Variants in TXNRD1 observed in about 807,000 individuals in gnomAD.
TXNRD1 encodes the protein thioredoxin reductase 1.
In TXNRD1, 57 loss-of-function variants were observed where a neutral mutation model predicts 80.3. The ratio of observed to expected loss-of-function variants is 0.71; its 90% CI spans 0.57 to 0.89. TXNRD1 has a LOEUF of 0.89. TXNRD1 is among the 40% of genes least tolerant of loss of function. TXNRD1 has a pLI of 0.00. For synonymous variants in TXNRD1, 291 were observed against 285.2 expected (o/e 1.02, Z -0.20); for missense variants, 730 against 803.0 (o/e 0.91, Z 1.10).
At chr12:104,311,194 C>G in intron 4 of TXNRD1, 96 bp from the exon 5 acceptor site, 1 of 1,358,542 alleles carries the variant, frequency 7.4e-7, no homozygotes, top group Non-Finnish European at 9.8e-7. Flanking sequence ...TTGAAAATTC[C>G]TTTTGTTTTT....
intron 1 of TXNRD1, among the ~76,000 whole-genome samples, chr12:104,233,897 G>A (rs2032678441): frequency 1.3e-5 from 2 of 152,162 alleles, no homozygotes; most frequent in Admixed American, 6.6e-5. Flanking sequence ...ACAAGGATCA[G>A]CAATATTTCA....
intron 4 of TXNRD1, among the ~76,000 whole-genome samples, chr12:104,303,321 CCTG>C (rs1460020811): frequency 6.6e-6 from 1 of 152,172 alleles, no homozygotes; most frequent in Non-Finnish European, 1.5e-5. Flanking sequence ...GAGAGTTTAG[CCTG>C]CTTAATGGAG....
chr12:104,265,954 TTA>T, intron 3 of TXNRD1: 1 of 478,956 alleles, frequency 2.1e-6, no homozygotes, highest in South Asian at 3.2e-5. Context: ...ACACAAAATC[TTA>T]AAAAAAAAAA....
chr12:104,324,247 G>A (rs1038824441), intron 10 of TXNRD1, among the ~76,000 whole-genome samples: 3 of 152,130 alleles, frequency 2.0e-5, no homozygotes, highest in African/African-American at 7.2e-5. Flanking sequence ...TATGTTCAGA[G>A]AGGCTCATTT....
intron 3 of TXNRD1, among the ~76,000 whole-genome samples, chr12:104,281,433 G>C (rs2033876303): frequency 8.7e-6 from 1 of 114,514 alleles, no homozygotes; most frequent in Admixed American, 1.2e-4. Context: ...TTGAGATGGA[G>C]TCTCACTGTG....
At chr12:104,259,639 G>A (rs933177261) in intron 3 of TXNRD1, among the ~76,000 whole-genome samples, 2 of 151,770 alleles carry the variant, frequency 1.3e-5, no homozygotes, top group African/African-American at 4.8e-5. Flanking sequence ...TTACAGGCAT[G>A]CACCACTACG....
intron 4 of TXNRD1, among the ~76,000 whole-genome samples, chr12:104,298,808 G>GTTTT (rs11372608): frequency 6.7e-6 from 1 of 148,676 alleles, no homozygotes; most frequent in African/African-American, 2.5e-5. Context: ...TTTGTATACA[G>GTTTT]TTTTTTTTTT....
chr12:104,221,266 A>C (rs770421887), intron 1 of TXNRD1, among the ~76,000 whole-genome samples: 1 of 152,210 alleles, frequency 6.6e-6, no homozygotes, highest in Admixed American at 6.5e-5. Context: ...CTGTCTCAGA[A>C]AAACAGCAAC....
At chr12:104,323,274 A>G (rs942067070) in intron 10 of TXNRD1, among the ~76,000 whole-genome samples, 1 of 147,980 alleles carries the variant, frequency 6.8e-6, no homozygotes, top group African/African-American at 2.5e-5. Flanking sequence ...TCTATTCCAC[A>G]AAGCCGCCAT....
intron 2 of TXNRD1, 66 bp downstream of exon 2, chr12:104,251,744 T>C: frequency 6.4e-7 from 1 of 1,557,306 alleles, no homozygotes; most frequent in Non-Finnish European, 8.8e-7. Flanking sequence ...TGAGCTCAAA[T>C]GTAAACAACT....
At chr12:104,339,421 C>T (rs1565915140) in intron 16 of TXNRD1, 148 bp downstream of exon 16, 1 of 1,087,350 alleles carries the variant, frequency 9.2e-7, no homozygotes. Context: ...TAGTTTTTGT[C>T]TTTCAATACT....
intron 9 of TXNRD1, among the ~76,000 whole-genome samples, 194 bp downstream of exon 9, chr12:104,319,779 G>A (rs1163025366): frequency 6.6e-6 from 1 of 152,194 alleles, no homozygotes; most frequent in Non-Finnish European, 1.5e-5. Flanking sequence ...TTTAAATATT[G>A]AAAACTTCAA....
At chr12:104,288,831 C>T in intron 3 of TXNRD1, 100 bp from the exon 4 acceptor site, 1 of 1,609,078 alleles carries the variant, frequency 6.2e-7, no homozygotes, top group Non-Finnish European at 8.5e-7. Context: ...GCACGCGGTG[C>T]CTGCGGGGCC....
At chr12:104,337,534 C>T (rs1362335247) in intron 15 of TXNRD1, among the ~76,000 whole-genome samples, 1 of 151,904 alleles carries the variant, frequency 6.6e-6, no homozygotes, top group Non-Finnish European at 1.5e-5. Flanking sequence ...TTTTAGAGTG[C>T]CAGACATTTT....
At chr12:104,291,350 G>T (rs1306077686) in intron 4 of TXNRD1, among the ~76,000 whole-genome samples, 3 of 150,402 alleles carry the variant, frequency 2.0e-5, no homozygotes, top group Non-Finnish European at 4.4e-5. Context: ...ACAGGCACAC[G>T]CCACCACACC....
rs1479836883 is a variant in TXNRD1 at position 104,292,386 on chromosome 12, C to T, written c.414+3346C>T. Among the ~76,000 whole-genome samples the T allele has an allele frequency of 2.3e-5, 3 of 130,876 alleles. No homozygotes were observed. In the South Asian group the frequency reaches 7.9e-4, roughly 34 times the overall value. The allele number at this position is 130,876 out of a possible 152,430, so 85.9% of individuals were successfully genotyped here. A position where few individuals can be genotyped will look rare whatever the true frequency, so the allele number is the denominator to read the frequency against. ...GGAAAGAGCTAGGAATCTACCCCCG[C>T]CCCCCCGCCTTTTTTTTTTGAGATG... On this transcript the variant is annotated intron_variant, in intron 4 of 16. Transcript: ENST00000525566.
chr12:104,294,244 C>CCT lies in TXNRD1; in HGVS notation c.414+5204_414+5205insCT, dbSNP rs2034354037. ...TCCCCCGGGGAAAGGCCCCCCCCCC[C>CCT]GCCGCCGGCTTTCCCGGTCTGCTAA... On this transcript the variant is annotated intron_variant, in intron 4 of 16. Transcript: ENST00000525566. 1.6e-5 allele frequency among the ~76,000 whole-genome samples: 2 copies of CCT among 126,162 alleles called. 1 individual carries two copies. The highest frequency in any genetic ancestry group is 3.5e-5 in the Non-Finnish European group (2 of 57,078). 82.8% of individuals were successfully genotyped at this position (126,162 alleles called of 152,430 possible).
In TXNRD1 at chr12:104,251,544, G is replaced by A. The variant is rs762164854; in HGVS notation, c.109G>A (p.Gly37Ser). The A allele has an allele frequency of 1.2e-6, 2 of 1,613,684 alleles. No homozygotes were observed. The highest frequency in any genetic ancestry group is 1.3e-5 in the African/African-American group (1 of 74,986). The stretch of plus-strand genomic sequence containing the variant: ...ACTTCTAGCTAAAGATCATCACCCT[G>A]GTAAAACTTTGCCAGAGAACCCAGC... Reference protein sequence around the residue: ...RRRSAKDHHPGKTLPENPAGF... With the variant: ...RRRSAKDHHPSKTLPENPAGF... Residue 37 changes from glycine (G) to serine (S), a missense_variant, in exon 2 of 17, where the codon GGT becomes AGT. Gly to Ser is a moderately conservative substitution (Grantham distance 56). Transcript: ENST00000525566.
intron 10 of TXNRD1, among the ~76,000 whole-genome samples, chr12:104,324,348 G>C (rs1209553836): frequency 2.0e-5 from 3 of 149,470 alleles, no homozygotes; most frequent in Non-Finnish European, 4.5e-5. Context: ...TCCCAGGTGG[G>C]TTTCGTTTTT....
Sources: allele counts gnomAD v4.1 joint callset (sites outside exome capture counted in the v4.1 genomes callset), GRCh38; gene constraint gnomAD v4.1.1; transcripts MANE v1.5; gene names NCBI Gene and HGNC (gene_info 2026-07-23, HGNC 2026-07-21).